Variants in PCDH9 observed in about 807,000 individuals in gnomAD.
PCDH9 encodes protocadherin 9, also known as protocadherin-9.
A neutral mutation model predicts 70.6 loss-of-function variants in PCDH9; 24 were observed. The observed-to-expected ratio is 0.34, with a 90% CI of 0.25 to 0.48. The LOEUF (loss-of-function observed/expected upper bound fraction) is 0.48, where lower values mean the gene tolerates loss of function less well. Ranked by LOEUF, PCDH9 falls within the 20% of genes least tolerant of loss-of-function variation. PCDH9 has a pLI of 0.99. For missense variants in PCDH9, 1,281 were observed against 1,503.6 expected (o/e 0.85, Z 2.45); for synonymous variants, 562 against 558.5 (o/e 1.01, Z -0.09).
intron 2 of PCDH9, among the ~76,000 whole-genome samples, chr13:66,949,927 A>C (rs1373601113): frequency 6.6e-6 from 1 of 152,112 alleles, no homozygotes; most frequent in Non-Finnish European, 1.5e-5. Context: ...CTATTCAAGC[A>C]ACTTGCAATA....
At chr13:66,644,746 T>C (rs1056751033) in intron 3 of PCDH9, among the ~76,000 whole-genome samples, 1 of 152,060 alleles carries the variant, frequency 6.6e-6, no homozygotes, top group African/African-American at 2.4e-5. Flanking sequence ...TGGTCCTCAA[T>C]TGTCCTCGGC....
chr13:66,789,272 T>G (rs1204702814), intron 3 of PCDH9, among the ~76,000 whole-genome samples: 1 of 152,204 alleles, frequency 6.6e-6, no homozygotes, highest in Non-Finnish European at 1.5e-5. Flanking sequence ...CTTCATAGCC[T>G]AGGCTCTTAA....
intron 3 of PCDH9, among the ~76,000 whole-genome samples, chr13:66,653,851 C>T (rs1407744408): frequency 6.6e-6 from 1 of 151,810 alleles, no homozygotes; most frequent in African/African-American, 2.4e-5. Context: ...TCCTGTAGTC[C>T]CAGCTACTTG....
At chr13:67,004,764 G>A (rs1426895779) in intron 2 of PCDH9, among the ~76,000 whole-genome samples, 1 of 151,954 alleles carries the variant, frequency 6.6e-6, no homozygotes, top group East Asian at 1.9e-4. Flanking sequence ...CAGTTTTCTT[G>A]GCAGAAAGTA....
At chr13:66,965,924 A>C (rs1420211818) in intron 2 of PCDH9, among the ~76,000 whole-genome samples, 1 of 152,096 alleles carries the variant, frequency 6.6e-6, no homozygotes, top group Non-Finnish European at 1.5e-5. Flanking sequence ...TCATATATTA[A>C]GAGAAAAAGC....
chr13:66,464,673 C>T (rs939122856), intron 4 of PCDH9, among the ~76,000 whole-genome samples: 1 of 151,866 alleles, frequency 6.6e-6, no homozygotes, highest in African/African-American at 2.4e-5. Flanking sequence ...AGGAACAAAT[C>T]TGTTACTTTT....
chr13:66,757,971 A>G (rs1002792729), intron 3 of PCDH9, among the ~76,000 whole-genome samples: 6 of 152,046 alleles, frequency 3.9e-5, no homozygotes, highest in Admixed American at 3.9e-4. Context: ...ATTTTTTCTT[A>G]AATACTAACA....
intron 2 of PCDH9, among the ~76,000 whole-genome samples, chr13:67,156,919 G>A (rs1045249451): frequency 2.0e-5 from 3 of 152,102 alleles, no homozygotes; most frequent in Non-Finnish European, 2.9e-5. Context: ...GCCCTGCCGG[G>A]GGACTACTGA....
At chr13:66,556,753 C>T (rs928256630) in intron 4 of PCDH9, among the ~76,000 whole-genome samples, 4 of 151,852 alleles carry the variant, frequency 2.6e-5, no homozygotes, top group East Asian at 1.9e-4. Context: ...TATATTGTGG[C>T]GAATACTCAG....
chr13:67,068,420 T>C (rs1324162485), intron 2 of PCDH9, among the ~76,000 whole-genome samples: 1 of 152,136 alleles, frequency 6.6e-6, no homozygotes, highest in Non-Finnish European at 1.5e-5. Context: ...ATGTGGTCTC[T>C]ATCCTCAAGG....
At chr13:66,379,528 A>T (rs562700956) in intron 4 of PCDH9, among the ~76,000 whole-genome samples, 5 of 152,220 alleles carry the variant, frequency 3.3e-5, no homozygotes, top group Non-Finnish European at 5.9e-5. Context: ...TACACATGAC[A>T]GTTTCTTTGT....
At chr13:66,571,105 G>T (rs9529098) in intron 4 of PCDH9, among the ~76,000 whole-genome samples, 52,491 of 151,708 alleles carry the variant, frequency 0.35, 9,556 homozygotes, top group African/African-American at 0.46. Flanking sequence ...AACAAGAATT[G>T]TTGCTTTGTC....
chr13:66,727,899 T>C (rs1321132653), intron 3 of PCDH9, among the ~76,000 whole-genome samples: 1 of 152,134 alleles, frequency 6.6e-6, no homozygotes, highest in East Asian at 1.9e-4. Context: ...AAGTCTCTAG[T>C]AGTAGTTCAC....
intron 2 of PCDH9, among the ~76,000 whole-genome samples, chr13:67,117,076 A>G (rs2086792300): frequency 3.3e-5 from 5 of 152,208 alleles, no homozygotes; most frequent in Admixed American, 3.3e-4. Context: ...AGAAAAAAAC[A>G]GGAAAAAAAT....
intron 2 of PCDH9, among the ~76,000 whole-genome samples, chr13:66,927,747 C>T (rs1804219941): frequency 1.3e-5 from 2 of 151,894 alleles, no homozygotes; most frequent in Admixed American, 6.6e-5. Flanking sequence ...ATAAGGACAC[C>T]AGTCATGTTG....
At chr13:66,923,439 C>A (rs1466703834) in intron 2 of PCDH9, among the ~76,000 whole-genome samples, 1 of 151,480 alleles carries the variant, frequency 6.6e-6, no homozygotes, top group Non-Finnish European at 1.5e-5. Flanking sequence ...ATTATAAAGA[C>A]TTTATCTTAA....
intron 4 of PCDH9, among the ~76,000 whole-genome samples, chr13:66,475,814 G>A (rs1048370173): frequency 2.0e-5 from 3 of 152,076 alleles, no homozygotes; most frequent in Admixed American, 2.0e-4. Context: ...ATTGTTTGAT[G>A]TGAATATTGC....
chr13:66,471,976 C>T (rs1190009940), intron 4 of PCDH9, among the ~76,000 whole-genome samples: 2 of 151,702 alleles, frequency 1.3e-5, no homozygotes, highest in African/African-American at 2.4e-5. Flanking sequence ...TTTGGGAGGC[C>T]GAGGCGGGCG....
intron 2 of PCDH9, among the ~76,000 whole-genome samples, chr13:66,969,354 T>G (rs2083480649): frequency 6.6e-6 from 1 of 152,034 alleles, no homozygotes; most frequent in Non-Finnish European, 1.5e-5. Flanking sequence ...TCCATTTCAA[T>G]GTCTTATTGC....
Sources: allele counts gnomAD v4.1 joint callset (sites outside exome capture counted in the v4.1 genomes callset), GRCh38; gene constraint gnomAD v4.1.1; transcripts MANE v1.5; gene names NCBI Gene and HGNC (gene_info 2026-07-23, HGNC 2026-07-21).